The following UTP4 variants were observed in gnomAD, a reference collection of about 807,000 sequenced individuals.
The protein encoded by UTP4 is U3 small nucleolar RNA-associated protein 4 homolog.
A neutral mutation model predicts 82.4 loss-of-function variants in UTP4; 45 were observed. The observed-to-expected ratio is 0.55, with a 90% CI of 0.43 to 0.70. The LOEUF (loss-of-function observed/expected upper bound fraction) is 0.70. Among genes scored for constraint, UTP4 ranks in the 30% least tolerant of loss-of-function variants. The probability of loss-of-function intolerance (pLI) is 0.00; values close to 1 mark genes in which losing one functional copy is unlikely to be tolerated. For synonymous variants in UTP4, 348 were observed against 300.3 expected (o/e 1.16, Z -1.64); for missense variants, 819 against 858.3 (o/e 0.95, Z 0.57).
At position 69,155,955 on chromosome 16, in the gene UTP4, C is replaced by A; in HGVS notation, c.1249C>A (p.Arg417=). 6.2e-7 allele frequency: 1 copy of A among 1,613,994 alleles called. No homozygotes were observed. The highest frequency in any genetic ancestry group is 8.5e-7 in the Non-Finnish European group (1 of 1,179,958). The change falls in exon 11 of 17, where the codon CGG becomes AGG. Residue 417 remains arginine, a synonymous_variant. Transcript: ENST00000314423. The part of the protein sequence containing the change: ...YSTVSRFFLY[R]LNYEHDNISL... Reference sequence around the variant, plus strand: ...TACAGTTTCTCGGTTTTTTCTCTATCGGCTGAATTATGAACATGACAACAT... The same window carrying A: ...TACAGTTTCTCGGTTTTTTCTCTATAGGCTGAATTATGAACATGACAACAT...
chr16:69,151,639 T>TA (rs1963272892), intron 8 of UTP4, among the ~76,000 whole-genome samples: 1 of 147,204 alleles, frequency 6.8e-6, no homozygotes, highest in Non-Finnish European at 1.5e-5. Context: ...TTTTTTTTTT[T>TA]AACCATCTGG....
intron 6 of UTP4, among the ~76,000 whole-genome samples, chr16:69,147,001 C>CAAAAA (rs71148965): frequency 3.5e-5 from 3 of 85,782 alleles, no homozygotes; most frequent in Non-Finnish European, 7.0e-5. Flanking sequence ...GACTCTGCCT[C>CAAAAA]AAAAAAAAAA....
At chr16:69,137,282 T>C (rs1463639073) in intron 3 of UTP4, among the ~76,000 whole-genome samples, 1 of 152,218 alleles carries the variant, frequency 6.6e-6, no homozygotes, top group East Asian at 1.9e-4. Context: ...TTCAGCAAGT[T>C]AACCTGTGCA....
intron 14 of UTP4, 74 bp from the exon 15 acceptor site, chr16:69,165,267 G>A: frequency 8.0e-7 from 1 of 1,257,368 alleles, no homozygotes; most frequent in Non-Finnish European, 1.2e-6. Context: ...GATACTTTCT[G>A]GTTAGGGATG....
chr16:69,148,724 T>A (rs920291050), intron 6 of UTP4, among the ~76,000 whole-genome samples: 1 of 151,002 alleles, frequency 6.6e-6, no homozygotes, highest in African/African-American at 2.4e-5. Flanking sequence ...CAATCCTACC[T>A]CAGCCTCCCA....
chr16:69,151,521 T>C (rs1432457490), intron 8 of UTP4, among the ~76,000 whole-genome samples: 1 of 150,992 alleles, frequency 6.6e-6, no homozygotes, highest in African/African-American at 2.4e-5. Flanking sequence ...GGGGTTTCAC[T>C]GTGTTAACCA....
At chr16:69,139,735 ACT>A in intron 4 of UTP4, 88 bp from the exon 5 acceptor site, 1 of 818,422 alleles carries the variant, frequency 1.2e-6, no homozygotes, top group African/African-American at 1.7e-5. Context: ...ATTGTAGAAC[ACT>A]CTAGAGATAG....
chr16:69,133,746 A>G, intron 2 of UTP4, 128 bp downstream of exon 2: 1 of 914,402 alleles, frequency 1.1e-6, no homozygotes, highest in Non-Finnish European at 1.7e-6. Flanking sequence ...GCTTAGAACT[A>G]CCAAACTTCT....
intron 16 of UTP4, 81 bp downstream of exon 16, chr16:69,167,266 A>C (rs1359105503): frequency 2.2e-6 from 2 of 928,448 alleles, no homozygotes; most frequent in Non-Finnish European, 3.5e-6. Context: ...ATCGGAAGAT[A>C]AGAGCACCTT....
intron 12 of UTP4, 85 bp downstream of exon 12, chr16:69,157,325 C>A: frequency 7.5e-7 from 1 of 1,326,070 alleles, no homozygotes; most frequent in Non-Finnish European, 1.1e-6. Context: ...GTCGGGGGTT[C>A]CCTCATGTTC....
At chr16:69,142,830 G>A (rs1399466451) in intron 5 of UTP4, among the ~76,000 whole-genome samples, 2 of 152,124 alleles carry the variant, frequency 1.3e-5, no homozygotes, top group Non-Finnish European at 2.9e-5. Context: ...CACCAAAGGG[G>A]TTTCTGTTCT....
intron 2 of UTP4, among the ~76,000 whole-genome samples, chr16:69,135,986 G>A (rs148119944): frequency 1.9e-3 from 289 of 152,288 alleles, no homozygotes; most frequent in Non-Finnish European, 2.9e-3. Context: ...CTGAGATGGC[G>A]CCATTGCACT....
In UTP4 at chr16:69,162,203, G is replaced by A. The variant is rs979682999; in HGVS notation, c.1552-880G>A. 2.7e-5 allele frequency among the ~76,000 whole-genome samples: 4 copies of A among 150,486 alleles called. No individual in the cohort carries two copies. The South Asian group carries it at 6.4e-4, about 24-fold the overall frequency. ...AGGCTGGTCTCAAACTCCTGACCTC[G>A]TGATCCGCCTGCCTTGGCCTCCCAA... On this transcript the variant is annotated intron_variant, in intron 13 of 16. Coordinates refer to ENST00000314423, the MANE Select transcript of UTP4 (RefSeq NM_032830.3).
At chr16:69,147,020 AT>A (rs1168407147) in intron 6 of UTP4, among the ~76,000 whole-genome samples, 36 of 145,730 alleles carry the variant, frequency 2.5e-4, no homozygotes, top group Admixed American at 1.3e-3. Flanking sequence ...AAAAAAAAAA[AT>A]ACAAAAATTA....
In UTP4 at chr16:69,165,387, G is replaced by A. The variant is rs780345515; in HGVS notation, c.1694G>A (p.Arg565Gln). ...IPDKQYTDWS[R>Q]TVQKQGFHHL... The stretch of plus-strand genomic sequence containing the variant: ...GACAAACAGTATACAGATTGGAGCC[G>A]GACTGTCCAGAAGCAGGGCTTTCAC... The change falls in exon 15 of 17, where the codon CGG (arginine) becomes CAG (glutamine). Residue 565 changes from arginine (R) to glutamine (Q), a missense_variant. Arg to Gln is a conservative substitution (Grantham distance 43). Coordinates refer to ENST00000314423, the MANE Select transcript of UTP4 (RefSeq NM_032830.3). The A allele has an allele frequency of 7.4e-6, 12 of 1,613,874 alleles. No individual in the cohort carries two copies. The highest frequency in any genetic ancestry group is 2.2e-5 in the East Asian group (1 of 44,892).
At chr16:69,143,096 A>G (rs77985323) in intron 5 of UTP4, 82 bp from the exon 6 acceptor site, 32,351 of 1,418,074 alleles carry the variant, frequency 0.023, 444 homozygotes, top group Non-Finnish European at 0.028. Context: ...GGGCTCAAGC[A>G]GTCCTTCCAC....
chr16:69,163,600 G>T (rs1052535839), intron 14 of UTP4, among the ~76,000 whole-genome samples: 10 of 151,684 alleles, frequency 6.6e-5, no homozygotes, highest in Non-Finnish European at 1.5e-4. Flanking sequence ...ATAAGATCAG[G>T]TACCTAATCT....
intron 15 of UTP4, chr16:69,166,465 C>T (rs977923521): frequency 1.3e-5 from 2 of 152,670 alleles, no homozygotes; most frequent in African/African-American, 4.8e-5. Context: ...ATCATTTTTT[C>T]CAAAGCATTG....
At chr16:69,142,519 C>T (rs530737415) in intron 5 of UTP4, among the ~76,000 whole-genome samples, 24 of 152,288 alleles carry the variant, frequency 1.6e-4, no homozygotes, top group African/African-American at 4.8e-4. Context: ...CAGCTGTTAA[C>T]GGATCCCTCT....
Sources: gnomAD v4.1 joint callset for allele counts (sites outside exome capture counted in the v4.1 genomes callset) on GRCh38, gnomAD v4.1.1 for gene constraint, MANE v1.5 for transcripts, NCBI Gene and HGNC (gene_info 2026-07-23, HGNC 2026-07-21) for gene names.